The following ADAM12 variants were observed in gnomAD, a reference collection of about 807,000 sequenced individuals.
The protein encoded by ADAM12 is ADAM metallopeptidase domain 12.
A neutral mutation model predicts 106.4 loss-of-function variants in ADAM12; 70 were observed. That is an observed-to-expected ratio of 0.66 (90% CI 0.54 to 0.80). The LOEUF (loss-of-function observed/expected upper bound fraction) is 0.80, where lower values mean the gene tolerates loss of function less well. Ranked by LOEUF, ADAM12 falls within the 30% of genes least tolerant of loss-of-function variation. The probability of loss-of-function intolerance (pLI) is 0.00; values close to 1 mark genes in which losing one functional copy is unlikely to be tolerated. For synonymous variants in ADAM12, 420 were observed against 433.5 expected, an observed-to-expected ratio of 0.97 and a Z score of 0.39; for missense variants, 1,010 against 1,171.9, an observed-to-expected ratio of 0.86 and a Z score of 2.02.
intron 17 of ADAM12, 102 bp downstream of exon 17, chr10:126,045,953 C>T: frequency 1.0e-6 from 1 of 1,002,262 alleles, no homozygotes; most frequent in African/African-American, 1.6e-5. Flanking sequence ...AATAACTGCT[C>T]TATTTAAAAA....
chr10:126,041,875 C>G (rs1046252073), intron 18 of ADAM12: 3 of 1,348,076 alleles, frequency 2.2e-6, no homozygotes, highest in Non-Finnish European at 1.9e-6. Context: ...CTGCTACTCT[C>G]TCAGGAGCAG....
intron 2 of ADAM12, among the ~76,000 whole-genome samples, chr10:126,283,017 C>T (rs535029827): frequency 4.1e-4 from 62 of 151,930 alleles, no homozygotes; most frequent in African/African-American, 1.4e-3. Context: ...TATTTTTCTG[C>T]AACTAGATGG....
chr10:126,262,841 C>A (rs1478404439), intron 3 of ADAM12, among the ~76,000 whole-genome samples: 1 of 152,208 alleles, frequency 6.6e-6, no homozygotes, highest in African/African-American at 2.4e-5. Flanking sequence ...GCACTTCCCA[C>A]CCTGCCTCCA....
At position 126,200,100 on chromosome 10, in the gene ADAM12, T is replaced by C. The variant is rs73382603; in HGVS notation, c.261-44795A>G. ...ATTCACTGTTCTATTAATTAGAATA[T>C]TCTATGAATTGGTATTTCCATGCAG... is the stretch of plus-strand genomic sequence containing the variant. On this transcript the variant is annotated intron_variant, in intron 3 of 22. Transcript: ENST00000448723. Among the ~76,000 whole-genome samples, 1,498 of 152,208 alleles carry C rather than the reference T, an allele frequency of 9.8e-3. 39 individuals carry two copies. The highest frequency in any genetic ancestry group is 0.034 in the African/African-American group (1,403 of 41,516).
chr10:126,052,508 T>A (rs997882879), intron 14 of ADAM12, among the ~76,000 whole-genome samples: 3 of 152,232 alleles, frequency 2.0e-5, no homozygotes, highest in Non-Finnish European at 4.4e-5. Context: ...ACAATTCAAG[T>A]ATGTCAGTTG....
chr10:126,307,465 T>C (rs1204938240), intron 2 of ADAM12, among the ~76,000 whole-genome samples: 1 of 152,190 alleles, frequency 6.6e-6, no homozygotes, highest in African/African-American at 2.4e-5. Flanking sequence ...GCGATTCTCA[T>C]GCCTCAGCCT....
At chr10:126,130,400 C>T (rs561899779) in intron 5 of ADAM12, among the ~76,000 whole-genome samples, 1 of 152,216 alleles carries the variant, frequency 6.6e-6, no homozygotes, top group East Asian at 1.9e-4. Context: ...CAGAAGCGCC[C>T]ACAGTGAGGA....
At chr10:126,131,805 T>C (rs928143793) in intron 5 of ADAM12, among the ~76,000 whole-genome samples, 4 of 152,332 alleles carry the variant, frequency 2.6e-5, no homozygotes, top group Middle Eastern at 3.4e-3. Flanking sequence ...TGGCAGCCCA[T>C]GCTAAGATAG....
In ADAM12 at chr10:126,041,382, G is replaced by A. The variant is rs537409259; in HGVS notation, c.2104+1658C>T. 52 of 985,734 alleles carry A rather than the reference G, an allele frequency of 5.3e-5. No individual in the cohort carries two copies. In the South Asian group the frequency reaches 6.6e-4, roughly 12 times the overall value. 61.1% of individuals were successfully genotyped at this position (985,734 alleles called of 1,614,324 possible). ...CTCTATTTTATGCAGTAATGGCCAC[G>A]GGGGATGGAGTTAGGCTCTTACATT... On this transcript the variant is annotated intron_variant, in intron 18 of 22. Transcript: ENST00000448723.
intron 3 of ADAM12, chr10:126,272,784 A>G: frequency 3.2e-6 from 1 of 317,254 alleles, no homozygotes; most frequent in Non-Finnish European, 6.6e-6. Flanking sequence ...TGCTGCCTCC[A>G]GGGGAGCCCC....
At chr10:126,128,883 C>T (rs1198391578) in intron 5 of ADAM12, among the ~76,000 whole-genome samples, 3 of 115,796 alleles carry the variant, frequency 2.6e-5, no homozygotes, top group Middle Eastern at 7.9e-3. Flanking sequence ...GTGTGTGGTG[C>T]GCGTGTGGGA....
At chr10:126,197,401 T>TTGAGGGTTTTGG (rs1741815412) in intron 3 of ADAM12, among the ~76,000 whole-genome samples, 1 of 151,830 alleles carries the variant, frequency 6.6e-6, no homozygotes, top group African/African-American at 2.4e-5. Flanking sequence ...GGGAGGCAAG[T>TTGAGGGTTTTGG]TGAGGGTTTT....
intron 7 of ADAM12, among the ~76,000 whole-genome samples, chr10:126,109,094 G>C (rs946974104): frequency 6.6e-6 from 1 of 152,108 alleles, no homozygotes; most frequent in African/African-American, 2.4e-5. Context: ...ATACAGAGGA[G>C]AATAGACAAA....
chr10:126,110,095 T>C (rs983204330), intron 6 of ADAM12, among the ~76,000 whole-genome samples: 2 of 152,212 alleles, frequency 1.3e-5, no homozygotes, highest in Non-Finnish European at 2.9e-5. Context: ...TGCTGAATCA[T>C]GGATTATTGG....
intron 5 of ADAM12, among the ~76,000 whole-genome samples, chr10:126,121,306 T>C (rs1283641557): frequency 1.7e-5 from 2 of 114,696 alleles, no homozygotes; most frequent in Non-Finnish European, 3.2e-5. Flanking sequence ...ACATGTAATA[T>C]ATATTATATA....
chr10:126,328,237 G>A (rs1328880056), intron 2 of ADAM12, among the ~76,000 whole-genome samples: 1 of 152,160 alleles, frequency 6.6e-6, no homozygotes, highest in Non-Finnish European at 1.5e-5. Context: ...CCTAGCACCT[G>A]GCACATAATA....
chr10:126,370,660 C>T (rs781196479), intron 1 of ADAM12, among the ~76,000 whole-genome samples: 18 of 152,142 alleles, frequency 1.2e-4, no homozygotes, highest in Non-Finnish European at 2.1e-4. Flanking sequence ...TTCCTAGGTT[C>T]TCTCCTCAAA....
intron 2 of ADAM12, among the ~76,000 whole-genome samples, chr10:126,318,444 ACATT>A (rs1363714152): frequency 5.3e-5 from 8 of 152,034 alleles, no homozygotes; most frequent in South Asian, 2.1e-4. Flanking sequence ...ACTTTCACAT[ACATT>A]CAAACTCATG....
chr10:126,385,024 G>T (rs1449352899), intron 1 of ADAM12, among the ~76,000 whole-genome samples: 2 of 152,124 alleles, frequency 1.3e-5, no homozygotes, highest in African/African-American at 4.8e-5. Context: ...CAGTTAATTT[G>T]CTAGGTAAGC....
Sources: gnomAD v4.1 joint callset for allele counts (sites outside exome capture counted in the v4.1 genomes callset) on GRCh38, gnomAD v4.1.1 for gene constraint, MANE v1.5 for transcripts, NCBI Gene and HGNC (gene_info 2026-07-23, HGNC 2026-07-21) for gene names.